The following ACOXL variants were observed in gnomAD, a reference collection of about 807,000 sequenced individuals.
ACOXL encodes acyl-CoA oxidase like, also known as acyl-coenzyme A oxidase-like protein.
A neutral mutation model predicts 71.9 loss-of-function variants in ACOXL; 70 were observed. That is an observed-to-expected ratio of 0.97 (90% CI 0.80 to 1.19). The LOEUF is 1.19. Ranked by LOEUF, ACOXL falls within the 50% of genes most tolerant of loss-of-function variation. The probability of loss-of-function intolerance (pLI) is 0.00; values close to 1 mark genes in which losing one functional copy is unlikely to be tolerated. For missense variants in ACOXL, 703 were observed against 736.3 expected, an observed-to-expected ratio of 0.95 and a Z score of 0.52; for synonymous variants, 253 against 281.6, an observed-to-expected ratio of 0.90 and a Z score of 1.02.
At chr2:110,786,068 C>T (rs778629776) in intron 3 of ACOXL, among the ~76,000 whole-genome samples, 4 of 152,218 alleles carry the variant, frequency 2.6e-5, no homozygotes, top group Non-Finnish European at 5.9e-5. Flanking sequence ...GTGTCTGCTG[C>T]AGCCACTCGT....
At chr2:110,883,959 G>T (rs1246521721) in intron 10 of ACOXL, among the ~76,000 whole-genome samples, 1 of 152,178 alleles carries the variant, frequency 6.6e-6, no homozygotes, top group Non-Finnish European at 1.5e-5. Context: ...GTTAATTCAT[G>T]TGATGGAGTA....
chr2:110,754,695 A>G (rs1452915334), intron 1 of ACOXL, among the ~76,000 whole-genome samples: 1 of 152,162 alleles, frequency 6.6e-6, no homozygotes, highest in Admixed American at 6.5e-5. Context: ...GTAGTATTCC[A>G]TTGTATGGAT....
At chr2:110,938,715 G>A (rs1235005873) in intron 12 of ACOXL, among the ~76,000 whole-genome samples, 1 of 149,230 alleles carries the variant, frequency 6.7e-6, no homozygotes, top group Non-Finnish European at 1.5e-5. Context: ...ATAAATGAAT[G>A]AATGAATGAA....
intron 13 of ACOXL, among the ~76,000 whole-genome samples, chr2:110,993,508 A>G (rs1397402603): frequency 1.3e-5 from 2 of 152,226 alleles, no homozygotes; most frequent in Admixed American, 6.5e-5. Flanking sequence ...CTTTATGGAT[A>G]TAGTAGAATC....
At chr2:110,892,003 A>G (rs1379728320) in intron 10 of ACOXL, among the ~76,000 whole-genome samples, 2 of 152,210 alleles carry the variant, frequency 1.3e-5, no homozygotes, top group Non-Finnish European at 2.9e-5. Flanking sequence ...ATCTTACACA[A>G]AAACTCAGAT....
intron 14 of ACOXL, among the ~76,000 whole-genome samples, chr2:111,027,176 G>A (rs184102438): frequency 2.8e-4 from 42 of 152,142 alleles, no homozygotes; most frequent in Admixed American, 1.2e-3. Flanking sequence ...GATTACAGGC[G>A]TGAGCCACCA....
chr2:110,845,786 T>C (rs1313912411), intron 10 of ACOXL, among the ~76,000 whole-genome samples: 3 of 152,234 alleles, frequency 2.0e-5, no homozygotes, highest in Non-Finnish European at 4.4e-5. Context: ...TGTGGGATAA[T>C]ATTCCATAGC....
At chr2:110,744,765 C>G (rs1677986844) in intron 1 of ACOXL, among the ~76,000 whole-genome samples, 1 of 152,066 alleles carries the variant, frequency 6.6e-6, no homozygotes, top group African/African-American at 2.4e-5. Flanking sequence ...TTTTGGTGTG[C>G]CGGCAAAAGA....
intron 10 of ACOXL, among the ~76,000 whole-genome samples, chr2:110,878,641 T>G (rs1421111122): frequency 6.6e-6 from 1 of 152,122 alleles, no homozygotes; most frequent in South Asian, 2.1e-4. Context: ...GGTGCAAGCC[T>G]GTAATTCCAG....
intron 9 of ACOXL, among the ~76,000 whole-genome samples, chr2:110,835,786 G>A (rs77817338): frequency 1.2e-4 from 19 of 152,278 alleles, no homozygotes; most frequent in Non-Finnish European, 2.4e-4. Flanking sequence ...CAAACTTGAC[G>A]CTTGTAGAAC....
intron 15 of ACOXL, among the ~76,000 whole-genome samples, chr2:111,035,184 T>C (rs935984998): frequency 2.0e-5 from 3 of 152,158 alleles, no homozygotes; most frequent in Non-Finnish European, 4.4e-5. Flanking sequence ...AGTCTTAATG[T>C]CACCCCAGAT....
At chr2:111,083,050 G>A (rs1284078018) in intron 16 of ACOXL, among the ~76,000 whole-genome samples, 1 of 152,142 alleles carries the variant, frequency 6.6e-6, no homozygotes, top group African/African-American at 2.4e-5. Context: ...TGGGGTTAGG[G>A]GAGGGATAGC....
At chr2:110,926,715 G>T (rs1191859001) in intron 11 of ACOXL, among the ~76,000 whole-genome samples, 3 of 152,028 alleles carry the variant, frequency 2.0e-5, no homozygotes, top group African/African-American at 7.2e-5. Flanking sequence ...CTATCCCCCT[G>T]TCCCACCAAT....
chr2:111,060,384 G>A (rs1196491557), intron 16 of ACOXL, among the ~76,000 whole-genome samples: 1 of 152,106 alleles, frequency 6.6e-6, no homozygotes, highest in African/African-American at 2.4e-5. Flanking sequence ...AGAAATTAGG[G>A]ACCTCTACCC....
chr2:111,056,378 A>G (rs1277904125), intron 16 of ACOXL, among the ~76,000 whole-genome samples: 1 of 152,156 alleles, frequency 6.6e-6, no homozygotes, highest in Non-Finnish European at 1.5e-5. Flanking sequence ...AGTATTCTGC[A>G]AAGCTCAGCT....
In ACOXL at chr2:110,801,671, T is replaced by G. The variant is rs1409147768; in HGVS notation, c.567T>G (p.Asn189Lys). 1.2e-6 allele frequency: 2 copies of G among 1,614,018 alleles called. No homozygotes were observed. Among genetic ancestry groups the G allele is most frequent in the Non-Finnish European group, 1.7e-6 (2 of 1,180,002 alleles). Reference sequence around the variant, plus strand: ...TGCCAGGTCTGCATGGTGTGGACAATGGGATATTAATATTTGACAAGGTTC... The same window carrying G: ...TGCCAGGTCTGCATGGTGTGGACAAGGGGATATTAATATTTGACAAGGTTC... ...MYKEGLHGVDNGILIFDKVRI... is the reference protein window; with the variant it reads ...MYKEGLHGVDKGILIFDKVRI... Residue 189 changes from asparagine to lysine, a missense_variant, in exon 8 of 18, where the codon AAT (asparagine) becomes AAG (lysine). Transcript: ENST00000439055.
chr2:111,066,452 A>G (rs2067077296), intron 16 of ACOXL, among the ~76,000 whole-genome samples: 1 of 152,114 alleles, frequency 6.6e-6, no homozygotes, highest in Non-Finnish European at 1.5e-5. Context: ...GTGGTGATGG[A>G]GATGATCTGG....
At chr2:110,761,124 A>G (rs1680349993) in intron 1 of ACOXL, among the ~76,000 whole-genome samples, 1 of 152,256 alleles carries the variant, frequency 6.6e-6, no homozygotes, top group Non-Finnish European at 1.5e-5. Context: ...CACCAGAACA[A>G]TATTCAACAA....
At chr2:110,785,894 A>C (rs1683900214) in intron 3 of ACOXL, among the ~76,000 whole-genome samples, 1 of 152,236 alleles carries the variant, frequency 6.6e-6, no homozygotes, top group African/African-American at 2.4e-5. Context: ...AACAGCATGT[A>C]ATCGGATCCT....
Sources: allele counts gnomAD v4.1 joint callset (sites outside exome capture counted in the v4.1 genomes callset), GRCh38; gene constraint gnomAD v4.1.1; transcripts MANE v1.5; gene names NCBI Gene and HGNC (gene_info 2026-07-23, HGNC 2026-07-21).